The following MDGA2 variants were observed in gnomAD, a reference collection of about 807,000 sequenced individuals.
MDGA2 encodes the protein MAM domain-containing glycosylphosphatidylinositol anchor protein 2.
Under a neutral mutation model 117.8 loss-of-function variants are expected in MDGA2, and 40 were observed. That is an observed-to-expected ratio of 0.34 (90% CI 0.26 to 0.44). The LOEUF is 0.44. Ranked by LOEUF, MDGA2 falls within the 20% of genes least tolerant of loss-of-function variation. The pLI, the probability that MDGA2 is intolerant of heterozygous loss-of-function variation, is 1.00. For synonymous variants in MDGA2, 452 were observed against 439.0 expected, an observed-to-expected ratio of 1.03 and a Z score of -0.37; for missense variants, 1,123 against 1,250.6, an observed-to-expected ratio of 0.90 and a Z score of 1.54.
chr14:47,449,356 T>C (rs1478909472), intron 1 of MDGA2, among the ~76,000 whole-genome samples: 2 of 152,146 alleles, frequency 1.3e-5, no homozygotes, highest in Non-Finnish European at 2.9e-5. Context: ...AGGAGCAAAG[T>C]AGACTATTAG....
chr14:47,097,708 CT>C (rs1199637951), intron 5 of MDGA2, among the ~76,000 whole-genome samples: 1 of 151,982 alleles, frequency 6.6e-6, no homozygotes, highest in Non-Finnish European at 1.5e-5. Context: ...TACTTCATCT[CT>C]AACCTCTTCA....
intron 8 of MDGA2, among the ~76,000 whole-genome samples, chr14:47,006,618 C>T (rs1028042897): frequency 2.6e-5 from 4 of 151,166 alleles, no homozygotes; most frequent in African/African-American, 9.7e-5. Flanking sequence ...GCCTTTAATC[C>T]TCCATATTAG....
chr14:47,081,649 C>T (rs1226914706), intron 6 of MDGA2, among the ~76,000 whole-genome samples: 1 of 152,064 alleles, frequency 6.6e-6, no homozygotes, highest in East Asian at 1.9e-4. Context: ...TTACATACAA[C>T]CATATATCAT....
intron 8 of MDGA2, among the ~76,000 whole-genome samples, chr14:47,023,916 C>G (rs1285430537): frequency 6.6e-6 from 1 of 150,654 alleles, no homozygotes; most frequent in Non-Finnish European, 1.5e-5. Flanking sequence ...ACAATAGGAT[C>G]AAAATCTGAT....
chr14:47,348,500 C>T (rs1890810629), intron 1 of MDGA2, among the ~76,000 whole-genome samples: 1 of 152,160 alleles, frequency 6.6e-6, no homozygotes, highest in Admixed American at 6.5e-5. Context: ...GCATGAGCTA[C>T]CGCATCAGGC....
At chr14:47,214,132 C>G (rs1885998293) in intron 3 of MDGA2, among the ~76,000 whole-genome samples, 1 of 152,000 alleles carries the variant, frequency 6.6e-6, no homozygotes, top group South Asian at 2.1e-4. Flanking sequence ...TCTCCCTTGA[C>G]ACGTGGAGAT....
chr14:47,023,622 A>T (rs1032928726), intron 8 of MDGA2, among the ~76,000 whole-genome samples: 4 of 152,222 alleles, frequency 2.6e-5, no homozygotes, highest in Admixed American at 6.5e-5. Context: ...TGCTAGAAAA[A>T]GGAAAGACAG....
intron 1 of MDGA2, among the ~76,000 whole-genome samples, chr14:47,450,151 C>T (rs2138568413): frequency 6.6e-6 from 1 of 151,798 alleles, no homozygotes; most frequent in East Asian, 1.9e-4. Flanking sequence ...TTTTTTAGTA[C>T]AGATAGCTTT....
At chr14:46,931,214 C>CAAAAAAAA (rs34493526) in intron 9 of MDGA2, among the ~76,000 whole-genome samples, 3 of 76,288 alleles carry the variant, frequency 3.9e-5, no homozygotes, top group Non-Finnish European at 5.0e-5. Context: ...GACTACATCT[C>CAAAAAAAA]AAAAAAAAAA....
chr14:46,892,791 A>T (rs922913419), intron 10 of MDGA2, among the ~76,000 whole-genome samples: 5 of 152,002 alleles, frequency 3.3e-5, no homozygotes, highest in Admixed American at 2.6e-4. Flanking sequence ...AATGAAAATC[A>T]AAACCAAAAT....
At chr14:47,503,571 A>AT in intron 1 of MDGA2, among the ~76,000 whole-genome samples, 1 of 151,724 alleles carries the variant, frequency 6.6e-6, no homozygotes, top group Non-Finnish European at 1.5e-5. Flanking sequence ...CGCCCAGCTA[A>AT]TTTTTTGTAT....
chr14:47,608,443 T>C (rs991991360), intron 1 of MDGA2, among the ~76,000 whole-genome samples: 1 of 152,066 alleles, frequency 6.6e-6, no homozygotes, highest in African/African-American at 2.4e-5. Flanking sequence ...AAATTCTAAG[T>C]GAGGCTCGTA....
chr14:46,845,203 G>A lies in MDGA2; in HGVS notation c.2989+563C>T, dbSNP rs569893482. Among the ~76,000 whole-genome samples the A allele has an allele frequency of 2.6e-5, 4 of 152,246 alleles. No individual in the cohort carries two copies. The South Asian group carries it at 8.3e-4, about 32-fold the overall frequency. On this transcript the variant is annotated intron_variant, in intron 16 of 16. Transcript: ENST00000399232. Reference sequence around the variant, plus strand: ...CGGCCGATCTGATGATTTTATAAGGGGCACTTCCCCCTTCTCTCAGCAATT... The same window carrying A: ...CGGCCGATCTGATGATTTTATAAGGAGCACTTCCCCCTTCTCTCAGCAATT...
intron 1 of MDGA2, among the ~76,000 whole-genome samples, chr14:47,361,655 G>A (rs184046925): frequency 6.6e-6 from 1 of 152,160 alleles, no homozygotes; most frequent in African/African-American, 2.4e-5. Context: ...GCTTCAGAAT[G>A]TGGGTTTCCT....
At chr14:47,426,671 A>ATTATATATATCAT (rs200786297) in intron 1 of MDGA2, among the ~76,000 whole-genome samples, 1 of 146,564 alleles carries the variant, frequency 6.8e-6, no homozygotes, top group Non-Finnish European at 1.5e-5. Context: ...TATATCACAC[A>ATTATATATATCAT]TTATATATAT....
intron 1 of MDGA2, among the ~76,000 whole-genome samples, chr14:47,597,881 CA>C (rs1896575818): frequency 6.9e-6 from 1 of 145,776 alleles, no homozygotes. Flanking sequence ...CACACACACA[CA>C]CAAAACACAG....
At chr14:47,347,375 G>T (rs1392743518) in intron 1 of MDGA2, among the ~76,000 whole-genome samples, 4 of 152,192 alleles carry the variant, frequency 2.6e-5, no homozygotes, top group Admixed American at 6.5e-5. Context: ...ATGGCAATGA[G>T]AATGGATAAA....
At chr14:47,589,937 A>G (rs1896404325) in intron 1 of MDGA2, among the ~76,000 whole-genome samples, 1 of 151,872 alleles carries the variant, frequency 6.6e-6, no homozygotes, top group African/African-American at 2.4e-5. Flanking sequence ...TATAAATGCA[A>G]TTGCTTTCTT....
intron 8 of MDGA2, among the ~76,000 whole-genome samples, chr14:47,002,437 A>T (rs1340147790): frequency 3.9e-5 from 6 of 152,118 alleles, no homozygotes; most frequent in Non-Finnish European, 8.8e-5. Context: ...CTTACATTAA[A>T]AATTTTTAGG....
Sources: allele counts gnomAD v4.1 joint callset (sites outside exome capture counted in the v4.1 genomes callset), GRCh38; gene constraint gnomAD v4.1.1; transcripts MANE v1.5; gene names NCBI Gene and HGNC (gene_info 2026-07-23, HGNC 2026-07-21).